Variants in MED13 observed in about 807,000 individuals in gnomAD.
The protein encoded by MED13 is mediator complex subunit 13, also known as mediator of RNA polymerase II transcription subunit 13.
In MED13, 23 loss-of-function variants were observed where a neutral mutation model predicts 225.2. That is an observed-to-expected ratio of 0.10 (90% CI 0.07 to 0.14). The LOEUF is 0.14. Ranked by LOEUF, MED13 falls within the 10% of genes least tolerant of loss-of-function variation. The pLI is 1.00. For missense variants in MED13, 2,197 were observed against 2,594.5 expected, an observed-to-expected ratio of 0.85 and a Z score of 3.33; for synonymous variants, 942 against 889.2, an observed-to-expected ratio of 1.06 and a Z score of -1.06.
chr17:61,972,259 T>C (rs1047120091), intron 17 of MED13, among the ~76,000 whole-genome samples: 1 of 152,206 alleles, frequency 6.6e-6, no homozygotes, highest in African/African-American at 2.4e-5. Flanking sequence ...TGCATACCTA[T>C]TATGAGAATT....
intron 3 of MED13, among the ~76,000 whole-genome samples, chr17:62,050,330 C>A (rs889945690): frequency 4.0e-5 from 6 of 151,014 alleles, no homozygotes; most frequent in African/African-American, 1.5e-4. Context: ...TGCGCTCCAG[C>A]CTGGGCAACA....
intron 9 of MED13, among the ~76,000 whole-genome samples, chr17:62,007,911 C>T (rs1281208953): frequency 2.0e-5 from 3 of 147,806 alleles, no homozygotes; most frequent in East Asian, 2.0e-4. Flanking sequence ...CCCAGCTACT[C>T]GGGAGGCTGA....
intron 17 of MED13, among the ~76,000 whole-genome samples, chr17:61,971,223 G>A (rs1422171239): frequency 2.0e-5 from 3 of 149,258 alleles, no homozygotes; most frequent in African/African-American, 4.9e-5. Context: ...TGTGCAGATA[G>A]AAATGATCTC....
chr17:61,955,263 T>C (rs2079932456), intron 26 of MED13, 119 bp downstream of exon 26: 1 of 814,408 alleles, frequency 1.2e-6, no homozygotes, highest in Non-Finnish European at 1.8e-6. Flanking sequence ...CCTTAACTTA[T>C]CACATCTGCA....
At chr17:61,975,702 C>T (rs888407612) in intron 16 of MED13, among the ~76,000 whole-genome samples, 1 of 152,016 alleles carries the variant, frequency 6.6e-6, no homozygotes, top group African/African-American at 2.4e-5. Flanking sequence ...GCCTGGATGA[C>T]AGAGTGAGAC....
chr17:61,979,218 A>G (rs2080182703), intron 16 of MED13, among the ~76,000 whole-genome samples: 1 of 152,130 alleles, frequency 6.6e-6, no homozygotes, highest in South Asian at 2.1e-4. Flanking sequence ...TATCACTAAG[A>G]TTCATCTATT....
Position 62,031,586 on chromosome 17 carries a change from G to A in MED13, c.867C>T (p.Asp289=). 1 of 1,613,108 alleles carries A rather than the reference G, an allele frequency of 6.2e-7. No individual in the cohort carries two copies. The highest frequency in any genetic ancestry group is 1.1e-5 in the South Asian group (1 of 90,902). The change falls in exon 6 of 30, where the codon GAC becomes GAT. Residue 289 remains aspartate (D), a synonymous_variant. Coordinates refer to ENST00000397786, the MANE Select transcript of MED13 (RefSeq NM_005121.3). ...ATCCCACAGGGCTAGGAGTAGGAAT[G>A]TCTGACTGAGGGACTAGAACAAAGC... ...PACFVLVPQS[D]IPTPSPVGST...
chr17:61,974,095 G>C (rs2080132597), intron 16 of MED13, among the ~76,000 whole-genome samples: 1 of 152,106 alleles, frequency 6.6e-6, no homozygotes, highest in East Asian at 1.9e-4. Context: ...ATACATAGTA[G>C]AATACTACTT....
At chr17:62,044,267 C>T (rs1169428396) in intron 3 of MED13, among the ~76,000 whole-genome samples, 4 of 151,710 alleles carry the variant, frequency 2.6e-5, no homozygotes, top group African/African-American at 4.8e-5. Flanking sequence ...TTTATTGAAG[C>T]ACCAAAAGTA....
chr17:62,049,078 C>CAACAAAAAAAAAA (rs2080929263), intron 3 of MED13, among the ~76,000 whole-genome samples: 1 of 45,330 alleles, frequency 2.2e-5, no homozygotes, highest in East Asian at 8.2e-4. Context: ...GTAAATAAGA[C>CAACAAAAAAAAAA]AAAAAAAAAA....
chr17:61,992,489 G>A (rs1197565971), intron 11 of MED13, 51 bp downstream of exon 11: 1 of 1,102,950 alleles, frequency 9.1e-7, no homozygotes, highest in Non-Finnish European at 1.4e-6. Context: ...AGATCAGTCT[G>A]TAGTAACAAT....
intron 9 of MED13, among the ~76,000 whole-genome samples, chr17:62,000,043 C>G (rs2143538902): frequency 6.6e-6 from 1 of 152,266 alleles, no homozygotes; most frequent in South Asian, 2.1e-4. Flanking sequence ...GCACCATAGC[C>G]TGGGTAACAG....
At chr17:62,042,037 G>GT (rs1317315970) in intron 3 of MED13, among the ~76,000 whole-genome samples, 5 of 152,146 alleles carry the variant, frequency 3.3e-5, no homozygotes, top group Admixed American at 1.3e-4. Flanking sequence ...AGCTCTCCAG[G>GT]TGATTCCCAC....
chr17:61,974,304 T>C (rs2080134629), intron 16 of MED13, among the ~76,000 whole-genome samples: 1 of 151,866 alleles, frequency 6.6e-6, no homozygotes. Context: ...CTCAGGAGAC[T>C]GAAGTGGGAG....
intron 3 of MED13, chr17:62,036,714 T>C (rs1184114860): frequency 6.6e-6 from 1 of 152,154 alleles, no homozygotes; most frequent in Admixed American, 6.5e-5. Flanking sequence ...CAAAAAGCAA[T>C]ACAGAGCTAA....
At chr17:61,990,648 T>TAC (rs1555635080) in intron 11 of MED13, among the ~76,000 whole-genome samples, 4 of 147,818 alleles carry the variant, frequency 2.7e-5, no homozygotes, top group South Asian at 4.2e-4. Context: ...TATATATATA[T>TAC]ATACACACTC....
In MED13 at chr17:61,982,262, T is replaced by C. The variant is rs1414426586; in HGVS notation, c.3741A>G (p.Ser1247=). Residue 1247 remains serine (S), a synonymous_variant, in exon 16 of 30, where the codon TCA becomes TCG. Coordinates refer to ENST00000397786, the MANE Select transcript of MED13 (RefSeq NM_005121.3). Reference sequence around the variant, plus strand: ...CAAGTGCTTCATCAACTTTTCCTCCTGACATGTTATCCATGAACTGACGCC... The same window carrying C: ...CAAGTGCTTCATCAACTTTTCCTCCCGACATGTTATCCATGAACTGACGCC... ...EHGRQFMDNM[S]GGKVDEALVK... is the part of the protein sequence containing the mutation. 6.2e-7 allele frequency: 1 copy of C among 1,614,216 alleles called. No individual in the cohort carries two copies. Among genetic ancestry groups the C allele is most frequent in the South Asian group, 1.1e-5 (1 of 91,086 alleles).
intron 2 of MED13, among the ~76,000 whole-genome samples, chr17:62,058,112 C>G (rs1374613109): frequency 6.6e-6 from 1 of 152,192 alleles, no homozygotes; most frequent in Non-Finnish European, 1.5e-5. Context: ...CTACCCACCA[C>G]AGAGATTCTT....
chr17:61,959,234 C>G (rs1207215682), intron 23 of MED13, among the ~76,000 whole-genome samples: 1 of 152,078 alleles, frequency 6.6e-6, no homozygotes, highest in Non-Finnish European at 1.5e-5. Flanking sequence ...AGGCTGGTCT[C>G]GAACTCCTGA....
Sources: allele counts gnomAD v4.1 joint callset (sites outside exome capture counted in the v4.1 genomes callset), GRCh38; gene constraint gnomAD v4.1.1; transcripts MANE v1.5; gene names NCBI Gene and HGNC (gene_info 2026-07-23, HGNC 2026-07-21).